Variants in DENND1B observed in about 807,000 individuals in gnomAD.
DENND1B encodes the protein DENN domain containing 1B.
A neutral mutation model predicts 90.1 loss-of-function variants in DENND1B; 59 were observed. The observed-to-expected ratio is 0.65, with a 90% CI of 0.53 to 0.81. The LOEUF (loss-of-function observed/expected upper bound fraction) is 0.81, where lower values mean the gene tolerates loss of function less well. Ranked by LOEUF, DENND1B falls within the 40% of genes least tolerant of loss-of-function variation. The pLI is 0.00. For missense variants in DENND1B, 862 were observed against 912.6 expected (o/e 0.94, Z 0.71); for synonymous variants, 337 against 324.6 (o/e 1.04, Z -0.41).
chr1:197,734,656 A>C, intron 2 of DENND1B: 1 of 985,274 alleles, frequency 1.0e-6, no homozygotes. Context: ...ATAGTTCAAA[A>C]CCCTACAAAC....
intron 10 of DENND1B, among the ~76,000 whole-genome samples, chr1:197,624,333 T>G (rs916201239): frequency 1.5e-4 from 23 of 151,744 alleles, no homozygotes; most frequent in Non-Finnish European, 1.9e-4. Flanking sequence ...GACAGTCTTA[T>G]CAATAAATGG....
rs964004640 is a variant in DENND1B, at chr1:197,715,033, G to T, written c.124C>A (p.Gln42Lys). The stretch of plus-strand genomic sequence containing the variant: ...TTAAAAAATTATGTGGTACCAACCT[G>T]GTCTCCAAAGTCCTCTGGGAATTTC... ...LWKFPEDFGDQEILQSVPKFC... is the reference protein window; with the variant it reads ...LWKFPEDFGDKEILQSVPKFC... Residue 42 changes from glutamine (Q) to lysine (K), a missense_variant and splice_region_variant, in exon 3 of 23, where the codon CAG becomes AAG. Physicochemically the swap from Gln to Lys is moderately conservative, Grantham distance 53. Transcript: ENST00000620048. The T allele has an allele frequency of 1.9e-6, 3 of 1,609,402 alleles. No individual in the cohort carries two copies. The highest frequency in any genetic ancestry group is 2.2e-5 in the East Asian group (1 of 44,674).
chr1:197,750,911 T>C (rs1326999191), intron 2 of DENND1B, among the ~76,000 whole-genome samples: 1 of 152,178 alleles, frequency 6.6e-6, no homozygotes, highest in Non-Finnish European at 1.5e-5. Context: ...TAAATGTGTA[T>C]GCTTATTACA....
intron 21 of DENND1B, 44 bp downstream of exon 21, chr1:197,512,827 G>A: frequency 6.4e-7 from 1 of 1,574,180 alleles, no homozygotes; most frequent in Non-Finnish European, 8.7e-7. Flanking sequence ...AACTTCTGCT[G>A]TTAAGCCATT....
intron 6 of DENND1B, among the ~76,000 whole-genome samples, chr1:197,657,247 A>T (rs1653935112): frequency 1.3e-5 from 2 of 152,198 alleles, no homozygotes; most frequent in South Asian, 4.1e-4. Flanking sequence ...TGATTTAAAA[A>T]TGGGCAAAGG....
chr1:197,544,901 GAAA>G (rs1670634855), intron 18 of DENND1B, among the ~76,000 whole-genome samples: 4 of 143,694 alleles, frequency 2.8e-5, no homozygotes, highest in Admixed American at 7.0e-5. Context: ...AGAAGAAGAA[GAAA>G]GAAGAAGAAA....
intron 10 of DENND1B, among the ~76,000 whole-genome samples, chr1:197,627,537 T>C (rs530148978): frequency 6.6e-6 from 1 of 152,146 alleles, no homozygotes; most frequent in Admixed American, 6.5e-5. Context: ...CTCAAAATAA[T>C]AAGAGCTATC....
At chr1:197,572,017 T>C (rs571318679) in intron 15 of DENND1B, among the ~76,000 whole-genome samples, 2 of 152,256 alleles carry the variant, frequency 1.3e-5, no homozygotes, top group East Asian at 3.9e-4. Flanking sequence ...AGACAGGTGA[T>C]TTCTGCATTT....
intron 15 of DENND1B, among the ~76,000 whole-genome samples, chr1:197,577,578 C>A (rs1490333709): frequency 6.6e-6 from 1 of 152,056 alleles, no homozygotes; most frequent in African/African-American, 2.4e-5. Context: ...GTTCCAGGGG[C>A]CTTAATAACA....
chr1:197,617,430 C>A (rs1677756435), intron 11 of DENND1B, among the ~76,000 whole-genome samples: 1 of 151,060 alleles, frequency 6.6e-6, no homozygotes, highest in African/African-American at 2.4e-5. Flanking sequence ...TAAATGACTG[C>A]AGAAGAAATT....
intron 3 of DENND1B, among the ~76,000 whole-genome samples, chr1:197,713,776 T>A (rs1207140523): frequency 7.2e-5 from 1 of 13,940 alleles, no homozygotes; most frequent in Non-Finnish European, 1.1e-4. Flanking sequence ...ATTATATTAT[T>A]ATATTATATT....
chr1:197,590,754 G>GGGAA (rs1675126826), intron 14 of DENND1B, among the ~76,000 whole-genome samples: 1 of 152,122 alleles, frequency 6.6e-6, no homozygotes, highest in Non-Finnish European at 1.5e-5. Context: ...CACATCCACT[G>GGGAA]GTTCCCCAGT....
chr1:197,760,206 T>C (rs572477837), intron 2 of DENND1B, among the ~76,000 whole-genome samples: 44 of 152,306 alleles, frequency 2.9e-4, no homozygotes, highest in Non-Finnish European at 5.1e-4. Context: ...TTGATCAATA[T>C]TTTGAGTATA....
intron 15 of DENND1B, among the ~76,000 whole-genome samples, chr1:197,580,773 A>G (rs1674162763): frequency 6.6e-6 from 1 of 152,118 alleles, no homozygotes; most frequent in Non-Finnish European, 1.5e-5. Context: ...TTTCTAGTTT[A>G]CCTGTACATT....
At chr1:197,762,227 T>C (rs571949072) in intron 2 of DENND1B, among the ~76,000 whole-genome samples, 2 of 151,562 alleles carry the variant, frequency 1.3e-5, no homozygotes, top group Non-Finnish European at 2.9e-5. Flanking sequence ...CAAGATAGAC[T>C]ATAACTTCCA....
rs143746675 is a variant in DENND1B, at chr1:197,701,901, C to T, written c.126+13130G>A. 4.4e-3 allele frequency among the ~76,000 whole-genome samples: 664 copies of T among 152,232 alleles called. 9 individuals are homozygous for T. The highest frequency in any genetic ancestry group is 0.015 in the African/African-American group (620 of 41,526). ...TATAGCATTACTTTTATAATTCTTACAATTTTTCTACATATCTATTCACTC... is the reference window on the plus strand; with the variant it reads ...TATAGCATTACTTTTATAATTCTTATAATTTTTCTACATATCTATTCACTC... On this transcript the variant is annotated intron_variant, in intron 3 of 22. Coordinates refer to ENST00000620048, the MANE Select transcript of DENND1B (RefSeq NM_001195215.2).
At chr1:197,590,451 CAA>C (rs111356782) in intron 14 of DENND1B, among the ~76,000 whole-genome samples, 1 of 150,888 alleles carries the variant, frequency 6.6e-6, no homozygotes, top group African/African-American at 2.4e-5. Flanking sequence ...GGCTAAAATC[CAA>C]AAAAAAGAGT....
chr1:197,582,556 G>C (rs528881644), intron 15 of DENND1B, among the ~76,000 whole-genome samples: 7 of 152,290 alleles, frequency 4.6e-5, no homozygotes, highest in Admixed American at 1.3e-4. Context: ...CACTTGCTAT[G>C]ATTACACAAT....
At chr1:197,652,370 A>G in intron 6 of DENND1B, 55 bp from the exon 7 acceptor site, 1 of 1,346,064 alleles carries the variant, frequency 7.4e-7, no homozygotes, top group Non-Finnish European at 1.0e-6. Context: ...AAGCAACTGC[A>G]ATTAAAACTA....
Sources: gnomAD v4.1 joint callset for allele counts (sites outside exome capture counted in the v4.1 genomes callset) on GRCh38, gnomAD v4.1.1 for gene constraint, MANE v1.5 for transcripts, NCBI Gene and HGNC (gene_info 2026-07-23, HGNC 2026-07-21) for gene names.